The following HOOK1 variants were observed in gnomAD, a reference collection of about 807,000 sequenced individuals.
HOOK1 encodes the protein hook microtubule tethering protein 1.
A neutral mutation model predicts 112.8 loss-of-function variants in HOOK1; 60 were observed. The ratio of observed to expected loss-of-function variants is 0.53; its 90% CI spans 0.43 to 0.66. The LOEUF (loss-of-function observed/expected upper bound fraction) is 0.66, where lower values mean the gene tolerates loss of function less well. Among genes scored for constraint, HOOK1 ranks in the 30% least tolerant of loss-of-function variants. The probability of loss-of-function intolerance (pLI) is 0.00; values close to 1 mark genes in which losing one functional copy is unlikely to be tolerated. For missense variants in HOOK1, 770 were observed against 856.0 expected, an observed-to-expected ratio of 0.90 and a Z score of 1.25; for synonymous variants, 294 against 283.8, an observed-to-expected ratio of 1.04 and a Z score of -0.36.
chr1:59,833,443 T>C lies in HOOK1; in HGVS notation c.312T>C (p.Asp104=), dbSNP rs1357102904. The change falls in exon 5 of 22, where the codon GAT becomes GAC. Residue 104 remains aspartate (D), a synonymous_variant. Transcript: ENST00000371208. ...AGATTTCAGAAGCACTTATCCCTGA[T>C]TTAAACCAAATAACCGAATGTTCAG... ...GQQISEALIP[D]LNQITECSDP... The C allele has an allele frequency of 6.4e-7, 1 of 1,573,660 alleles. No individual in the cohort carries two copies. The highest frequency in any genetic ancestry group is 8.7e-7 in the Non-Finnish European group (1 of 1,154,024).
chr1:59,860,777 CTT>C (rs35112707), intron 15 of HOOK1, among the ~76,000 whole-genome samples: 9 of 141,174 alleles, frequency 6.4e-5, no homozygotes, highest in Admixed American at 2.1e-4. Context: ...TCTTCTCTTT[CTT>C]TTTTTTTTTT....
intron 12 of HOOK1, among the ~76,000 whole-genome samples, chr1:59,851,206 G>A (rs1201631921): frequency 6.6e-6 from 1 of 150,948 alleles, no homozygotes; most frequent in Non-Finnish European, 1.5e-5. Context: ...GTCAATTCTT[G>A]CAAAAAAAAG....
At chr1:59,854,232 A>C (rs2098409338) in intron 12 of HOOK1, among the ~76,000 whole-genome samples, 1 of 150,244 alleles carries the variant, frequency 6.7e-6, no homozygotes, top group Admixed American at 6.6e-5. Context: ...TTGTACTTTT[A>C]ATAGAGACGG....
chr1:59,855,769 GTTATT>G (rs1437301317), intron 12 of HOOK1, among the ~76,000 whole-genome samples: 8 of 149,886 alleles, frequency 5.3e-5, no homozygotes, highest in East Asian at 2.0e-4. Flanking sequence ...AGCCCATCTA[GTTATT>G]TTATTTTATT....
chr1:59,866,540 C>G (rs1317089179), intron 19 of HOOK1, among the ~76,000 whole-genome samples: 1 of 152,066 alleles, frequency 6.6e-6, no homozygotes, highest in Non-Finnish European at 1.5e-5. Context: ...ATTCAGAGTC[C>G]TAAGCTGACA....
chr1:59,872,256 C>A (rs1472445808), intron 21 of HOOK1, among the ~76,000 whole-genome samples: 9 of 152,198 alleles, frequency 5.9e-5, no homozygotes, highest in Admixed American at 5.9e-4. Flanking sequence ...TTGAGATAGA[C>A]TATAGTAAAT....
intron 6 of HOOK1, among the ~76,000 whole-genome samples, 161 bp from the exon 7 acceptor site, chr1:59,836,712 A>G (rs1375483844): frequency 2.0e-5 from 3 of 152,186 alleles, no homozygotes; most frequent in Non-Finnish European, 4.4e-5. Flanking sequence ...TTATTAAGTT[A>G]AGGCTCTAAT....
intron 12 of HOOK1, among the ~76,000 whole-genome samples, chr1:59,855,524 C>A (rs1432651801): frequency 1.3e-5 from 2 of 152,070 alleles, no homozygotes; most frequent in African/African-American, 4.8e-5. Context: ...TTTCTTTATC[C>A]AATCTGTCAT....
At chr1:59,837,543 CTG>C (rs565001820) in intron 7 of HOOK1, among the ~76,000 whole-genome samples, 107 of 152,186 alleles carry the variant, frequency 7.0e-4, no homozygotes, top group African/African-American at 2.5e-3. Context: ...TGTAAACATG[CTG>C]TGTTTTTTCC....
chr1:59,831,084 A>G (rs776626669), intron 3 of HOOK1, among the ~76,000 whole-genome samples: 6 of 151,962 alleles, frequency 3.9e-5, no homozygotes, highest in Non-Finnish European at 8.8e-5. Flanking sequence ...TATTTTGAGT[A>G]GAGGCGGGGT....
intron 2 of HOOK1, among the ~76,000 whole-genome samples, chr1:59,824,903 A>G (rs2102009209): frequency 6.6e-6 from 1 of 152,346 alleles, no homozygotes; most frequent in East Asian, 1.9e-4. Context: ...AGTGCCACAG[A>G]CCAGGTGGCT....
intron 3 of HOOK1, among the ~76,000 whole-genome samples, chr1:59,829,293 T>C (rs1419759939): frequency 6.6e-6 from 1 of 152,164 alleles, no homozygotes. Context: ...GTGGTTTGTT[T>C]AGCTATTCAC....
At chr1:59,833,347 G>T in intron 4 of HOOK1, 58 bp from the exon 5 acceptor site, 1 of 1,250,206 alleles carries the variant, frequency 8.0e-7, no homozygotes, top group Non-Finnish European at 1.1e-6. Context: ...AATATTAAAT[G>T]TAGCAAATTC....
rs1421396058 is a variant in HOOK1, at chr1:59,874,908, T to A, written c.*1943T>A. 6.6e-6 allele frequency: 1 copy of A among 152,644 alleles called. No homozygotes were observed. Among genetic ancestry groups the A allele is most frequent in the East Asian group, 1.9e-4 (1 of 5,200 alleles). The allele number at this position is 152,644 out of a possible 1,614,324, so 9.5% of individuals were successfully genotyped here. On this transcript the variant is annotated 3_prime_UTR_variant, in exon 22 of 22. Coordinates refer to ENST00000371208, the MANE Select transcript of HOOK1 (RefSeq NM_015888.6). ...GAGCACCTGTCAGGATATGTTGTTC[T>A]ATCAGGGTTACTTCTGTTGACTACC...
intron 14 of HOOK1, 25 bp downstream of exon 14, chr1:59,859,070 G>A (rs751089741): frequency 1.7e-6 from 2 of 1,167,658 alleles, no homozygotes; most frequent in Non-Finnish European, 2.3e-6. Context: ...TAATTTGATA[G>A]AATTATATTT....
chr1:59,853,561 T>A (rs1369847720), intron 12 of HOOK1, among the ~76,000 whole-genome samples: 1 of 152,130 alleles, frequency 6.6e-6, no homozygotes, highest in Non-Finnish European at 1.5e-5. Flanking sequence ...TGCTTTTCAA[T>A]TGGAGTTTGG....
chr1:59,816,475 A>T (rs1251267781), intron 1 of HOOK1, among the ~76,000 whole-genome samples: 1 of 152,248 alleles, frequency 6.6e-6, no homozygotes, highest in African/African-American at 2.4e-5. Context: ...TAAAGGGTGT[A>T]TCCGAATCTG....
chr1:59,865,142 C>T (rs769256589), intron 17 of HOOK1, 21 bp from the exon 18 acceptor site: 13 of 1,471,842 alleles, frequency 8.8e-6, no homozygotes, highest in Non-Finnish European at 1.1e-5. Context: ...GACCAGTCTC[C>T]ATGCTTTTTC....
At chr1:59,827,869 G>A (rs575851909) in intron 2 of HOOK1, among the ~76,000 whole-genome samples, 2 of 151,962 alleles carry the variant, frequency 1.3e-5, no homozygotes, top group Admixed American at 1.3e-4. Flanking sequence ...CCCTATTTTA[G>A]TTGGCATACC....
Sources: gnomAD v4.1 joint callset for allele counts (sites outside exome capture counted in the v4.1 genomes callset) on GRCh38, gnomAD v4.1.1 for gene constraint, MANE v1.5 for transcripts, NCBI Gene and HGNC (gene_info 2026-07-23, HGNC 2026-07-21) for gene names.